The following GRIK2 variants were observed in gnomAD, a reference collection of about 807,000 sequenced individuals.
GRIK2 encodes glutamate ionotropic receptor kainate type subunit 2, also known as glutamate receptor ionotropic, kainate 2.
A neutral mutation model predicts 100.3 loss-of-function variants in GRIK2; 32 were observed. That is an observed-to-expected ratio of 0.32 (90% CI 0.24 to 0.43). GRIK2 has a LOEUF of 0.43. Among genes scored for constraint, GRIK2 ranks in the 20% least tolerant of loss-of-function variants. GRIK2 has a pLI of 1.00. For synonymous variants in GRIK2, 417 were observed against 389.4 expected (o/e 1.07, Z -0.83); for missense variants, 843 against 1,114.9 (o/e 0.76, Z 3.47).
chr6:101,989,731 A>G (rs1360374233), intron 14 of GRIK2, among the ~76,000 whole-genome samples: 2 of 151,526 alleles, frequency 1.3e-5, no homozygotes, highest in East Asian at 3.9e-4. Flanking sequence ...AAAAAGTTTT[A>G]TTTTGCAGGA....
At chr6:101,501,514 C>T (rs1773743804) in intron 2 of GRIK2, among the ~76,000 whole-genome samples, 2 of 152,180 alleles carry the variant, frequency 1.3e-5, no homozygotes, top group Admixed American at 1.3e-4. Flanking sequence ...TTTATCCACT[C>T]AATGGCCACA....
intron 10 of GRIK2, among the ~76,000 whole-genome samples, chr6:101,853,037 G>A (rs1784227872): frequency 6.6e-6 from 1 of 152,130 alleles, no homozygotes. Flanking sequence ...CAAATATGTA[G>A]CTTTGGATGT....
rs555425016 is a variant in GRIK2, at chr6:101,802,373, A to T, written c.1138A>T (p.Thr380Ser). The T allele has an allele frequency of 6.2e-5, 99 of 1,593,370 alleles. 1 individual carries two copies. The Admixed American group carries it at 1.7e-3, about 27-fold the overall frequency. The change falls in exon 9 of 17, where the codon ACC becomes TCC. Residue 380 changes from threonine to serine, a missense_variant. Thr to Ser is a moderately conservative substitution (Grantham distance 58, BLOSUM62 1). This residue lies in a region of GRIK2 where 519 missense variants were observed against 643.8 expected (regional missense o/e 0.81). Transcript: ENST00000369134. ...CACAGGCAGAATAACTTTCAACAAA[A>T]CCAATGGCTTGAGAACAGATTTTGA... is the stretch of plus-strand genomic sequence containing the variant. ...GLTGRITFNK[T>S]NGLRTDFDLD... is the part of the protein sequence containing the mutation.
At chr6:101,489,140 G>T (rs1379177490) in intron 2 of GRIK2, among the ~76,000 whole-genome samples, 3 of 146,094 alleles carry the variant, frequency 2.1e-5, no homozygotes. Context: ...TTTTTCAAAT[G>T]TCAAGTGCCA....
Position 101,644,390 on chromosome 6 carries a change from G to A in GRIK2, c.541+17753G>A, listed in dbSNP as rs141823078. 9.2e-4 allele frequency among the ~76,000 whole-genome samples: 139 copies of A among 151,748 alleles called. 1 individual carries two copies. Among genetic ancestry groups the A allele is most frequent in the Middle Eastern group, 3.4e-3 (1 of 294 alleles). On this transcript the variant is annotated intron_variant, in intron 4 of 16. Coordinates refer to ENST00000369134, the MANE Select transcript of GRIK2 (RefSeq NM_021956.5). Reference sequence around the variant, plus strand: ...GTAGCATGATGAAACATCTACTGAGGTTGATACACCAGACATCATCTAGAG... The same window carrying A: ...GTAGCATGATGAAACATCTACTGAGATTGATACACCAGACATCATCTAGAG...
intron 2 of GRIK2, among the ~76,000 whole-genome samples, chr6:101,443,611 A>G (rs549274506): frequency 9.9e-5 from 15 of 152,220 alleles, no homozygotes; most frequent in African/African-American, 3.6e-4. Context: ...TAAATGAATC[A>G]TTTAAGAAAT....
chr6:101,617,394 T>C (rs1476682984), intron 2 of GRIK2, among the ~76,000 whole-genome samples: 1 of 151,850 alleles, frequency 6.6e-6, no homozygotes, highest in East Asian at 1.9e-4. Flanking sequence ...AATCATTTGT[T>C]TGTGAGATTC....
At chr6:101,972,379 A>G (rs953787124) in intron 14 of GRIK2, among the ~76,000 whole-genome samples, 6 of 151,474 alleles carry the variant, frequency 4.0e-5, no homozygotes, top group Admixed American at 1.3e-4. Flanking sequence ...TTTCATATTC[A>G]TTGTCTGCGT....
chr6:101,902,420 T>G (rs533030289), intron 12 of GRIK2, among the ~76,000 whole-genome samples: 1 of 152,090 alleles, frequency 6.6e-6, no homozygotes, highest in African/African-American at 2.4e-5. Context: ...AAGTAAAAAG[T>G]TAAGTTGTTA....
intron 2 of GRIK2, among the ~76,000 whole-genome samples, chr6:101,504,053 G>C (rs1244585813): frequency 6.6e-6 from 1 of 152,020 alleles, no homozygotes; most frequent in African/African-American, 2.4e-5. Context: ...TTATTTTATA[G>C]ATGAGTAAAC....
chr6:101,842,385 T>A (rs1020881813), intron 10 of GRIK2, among the ~76,000 whole-genome samples: 1 of 152,184 alleles, frequency 6.6e-6, no homozygotes, highest in African/African-American at 2.4e-5. Context: ...CTGGGATGAT[T>A]TAACTGACTG....
intron 2 of GRIK2, among the ~76,000 whole-genome samples, chr6:101,495,676 T>C (rs1156311400): frequency 6.6e-6 from 1 of 152,188 alleles, no homozygotes; most frequent in Non-Finnish European, 1.5e-5. Context: ...ACTGAATAAA[T>C]GTTATAAATG....
At chr6:101,469,013 C>T (rs982207597) in intron 2 of GRIK2, among the ~76,000 whole-genome samples, 3 of 152,034 alleles carry the variant, frequency 2.0e-5, no homozygotes, top group African/African-American at 7.3e-5. Context: ...GGGACAGCAT[C>T]CACCAGAAAT....
chr6:101,859,627 A>C, intron 11 of GRIK2, 134 bp downstream of exon 11: 1 of 628,118 alleles, frequency 1.6e-6, no homozygotes, highest in Non-Finnish European at 2.8e-6. Flanking sequence ...ATTTTATTTA[A>C]GCTAGATAGT....
chr6:101,582,883 C>T (rs1466145096), intron 2 of GRIK2, among the ~76,000 whole-genome samples: 1 of 151,556 alleles, frequency 6.6e-6, no homozygotes, highest in African/African-American at 2.4e-5. Context: ...CTTTTCTAAC[C>T]TCTTTCTTGT....
intron 2 of GRIK2, among the ~76,000 whole-genome samples, chr6:101,590,983 A>G (rs1164049447): frequency 6.6e-6 from 1 of 152,080 alleles, no homozygotes; most frequent in Non-Finnish European, 1.5e-5. Context: ...CCCTATGCAG[A>G]AAAATAAAAT....
chr6:101,581,999 C>G lies in GRIK2; in HGVS notation c.116-39950C>G, dbSNP rs532173341. Among the ~76,000 whole-genome samples the G allele has an allele frequency of 9.5e-4, 145 of 152,124 alleles. 2 individuals are homozygous for G. In the South Asian group the frequency reaches 0.018, roughly 19 times the overall value. Reference sequence around the variant, plus strand: ...TGGAGATAATTGAATCATGGGGATGCTTTTCCCCCATACTGTCCTTGTGAT... The same window carrying G: ...TGGAGATAATTGAATCATGGGGATGGTTTTCCCCCATACTGTCCTTGTGAT... On this transcript the variant is annotated intron_variant, in intron 2 of 16. Transcript: ENST00000369134.
At chr6:101,921,539 A>G (rs1789492193) in intron 12 of GRIK2, among the ~76,000 whole-genome samples, 1 of 152,138 alleles carries the variant, frequency 6.6e-6, no homozygotes. Context: ...CAGGGAAGAT[A>G]GAATTCAGTG....
intron 7 of GRIK2, among the ~76,000 whole-genome samples, chr6:101,732,201 T>C (rs1775318352): frequency 6.6e-6 from 1 of 152,036 alleles, no homozygotes; most frequent in Non-Finnish European, 1.5e-5. Flanking sequence ...AATCAATTGA[T>C]CTAGTCCTTT....
Sources: allele counts gnomAD v4.1 joint callset (sites outside exome capture counted in the v4.1 genomes callset), GRCh38; gene constraint gnomAD v4.1.1; regional missense constraint gnomAD v4.1.1; transcripts MANE v1.5; gene names NCBI Gene and HGNC (gene_info 2026-07-23, HGNC 2026-07-21).